The following ATXN1 variants were observed in gnomAD, a reference collection of about 807,000 sequenced individuals.
The protein encoded by ATXN1 is ataxin-1.
In ATXN1, 8 loss-of-function variants were observed where a neutral mutation model predicts 56.4. That is an observed-to-expected ratio of 0.14 (90% confidence interval 0.08 to 0.26). ATXN1 has a LOEUF of 0.26. Among genes scored for constraint, ATXN1 ranks in the 10% least tolerant of loss-of-function variants. The probability of loss-of-function intolerance (pLI) is 1.00; values close to 1 mark genes in which losing one functional copy is unlikely to be tolerated. For missense variants in ATXN1, 987 were observed against 1,106.5 expected (o/e 0.89, Z 1.53); for synonymous variants, 514 against 494.6 (o/e 1.04, Z -0.52).
chr6:16,343,117 C>T (rs1026157203), intron 6 of ATXN1, among the ~76,000 whole-genome samples: 7 of 152,106 alleles, frequency 4.6e-5, no homozygotes, highest in Admixed American at 2.6e-4. Context: ...GGCTGAGGCG[C>T]GCAGATCACA....
At chr6:16,574,007 T>C (rs1413287450) in intron 4 of ATXN1, among the ~76,000 whole-genome samples, 1 of 152,180 alleles carries the variant, frequency 6.6e-6, no homozygotes, top group African/African-American at 2.4e-5. Context: ...TGGATTGGTA[T>C]TGTGCCCTGA....
intron 6 of ATXN1, among the ~76,000 whole-genome samples, chr6:16,373,095 G>A (rs1215321236): frequency 6.6e-6 from 1 of 152,186 alleles, no homozygotes; most frequent in East Asian, 1.9e-4. Context: ...TAGGTGTCCT[G>A]TTAACTCCAT....
chr6:16,311,464 G>A lies in ATXN1; in HGVS notation c.1918-4605C>T, dbSNP rs185592226. Among the ~76,000 whole-genome samples, 281 of 152,298 alleles carry A rather than the reference G, an allele frequency of 1.8e-3. 1 individual carries two copies. Among genetic ancestry groups the A allele is most frequent in the Non-Finnish European group, 3.1e-3 (212 of 68,030 alleles). On this transcript the variant is annotated intron_variant, in intron 7 of 7. Transcript: ENST00000436367. ...TTGACTGAAATAAGTAGGATCCAAA[G>A]GCATGAGCTCATGGGCTTGTTCCAT...
intron 6 of ATXN1, among the ~76,000 whole-genome samples, chr6:16,424,459 G>C (rs561869286): frequency 2.0e-5 from 3 of 152,082 alleles, no homozygotes; most frequent in Non-Finnish European, 4.4e-5. Flanking sequence ...GCAAACCTTC[G>C]GCTATTTAAT....
rs563047937 is a variant in ATXN1 at position 16,714,144 on chromosome 6, G to A, written c.-615+39089C>T. Reference sequence around the variant, plus strand: ...CATGCCAGCCTGGGCGACAGAGTAAGACTGTAGAAAAAAAGAAAGAAAAAA... The same window carrying A: ...CATGCCAGCCTGGGCGACAGAGTAAAACTGTAGAAAAAAAGAAAGAAAAAA... On this transcript the variant is annotated intron_variant, in intron 2 of 7. Transcript: ENST00000436367. Among the ~76,000 whole-genome samples the A allele has an allele frequency of 2.1e-3, 289 of 137,902 alleles. 1 individual carries two copies. The highest frequency in any genetic ancestry group is 7.9e-3 in the African/African-American group (282 of 35,832). 90.5% of individuals were successfully genotyped at this position (137,902 alleles called of 152,430 possible).
chr6:16,644,785 C>T (rs1763773226), intron 3 of ATXN1, among the ~76,000 whole-genome samples: 1 of 152,102 alleles, frequency 6.6e-6, no homozygotes, highest in South Asian at 2.1e-4. Flanking sequence ...GTAGAGGTCA[C>T]CATGTCCATT....
chr6:16,396,013 CAAAAAA>C (rs59358244), intron 6 of ATXN1, among the ~76,000 whole-genome samples: 261 of 42,236 alleles, frequency 6.2e-3, no homozygotes, highest in African/African-American at 0.024. Context: ...GACTCCGTCT[CAAAAAA>C]AAAAAAAAAA....
chr6:16,309,218 ACT>A (rs1056072994), intron 7 of ATXN1, among the ~76,000 whole-genome samples: 1 of 148,748 alleles, frequency 6.7e-6, no homozygotes, highest in African/African-American at 2.5e-5. Flanking sequence ...ACAGAGTGAG[ACT>A]CTGTCTCTAA....
intron 7 of ATXN1, among the ~76,000 whole-genome samples, chr6:16,313,558 A>ATT (rs527792987): frequency 8.4e-5 from 12 of 143,578 alleles, no homozygotes; most frequent in African/African-American, 1.3e-4. Flanking sequence ...CGTTAATGGA[A>ATT]TTTTTTTTTT....
chr6:16,593,197 C>G (rs1395583123), intron 3 of ATXN1, among the ~76,000 whole-genome samples: 1 of 152,180 alleles, frequency 6.6e-6, no homozygotes, highest in African/African-American at 2.4e-5. Flanking sequence ...CCCAGGAAGT[C>G]CAGCTGGCTT....
chr6:16,449,739 A>G (rs1040035856), intron 6 of ATXN1, among the ~76,000 whole-genome samples: 1 of 152,234 alleles, frequency 6.6e-6, no homozygotes. Flanking sequence ...AGTTTAAAGG[A>G]AAACATATCC....
At chr6:16,671,642 C>T (rs1220365943) in intron 2 of ATXN1, among the ~76,000 whole-genome samples, 1 of 152,076 alleles carries the variant, frequency 6.6e-6, no homozygotes, top group Non-Finnish European at 1.5e-5. Context: ...ATTAACATTC[C>T]CAAGAGTCAT....
chr6:16,395,080 G>A (rs1023250848), intron 6 of ATXN1, among the ~76,000 whole-genome samples: 11 of 151,442 alleles, frequency 7.3e-5, no homozygotes, highest in African/African-American at 1.9e-4. Flanking sequence ...GAGACCAGTC[G>A]GACCAACATG....
chr6:16,569,650 G>A (rs75917858), intron 4 of ATXN1, among the ~76,000 whole-genome samples: 10,120 of 152,162 alleles, frequency 0.067, 713 homozygotes, highest in Admixed American at 0.23. Flanking sequence ...GGGCTGGGAT[G>A]GGAGTAAAGA....
At chr6:16,319,319 T>G (rs1169605588) in intron 7 of ATXN1, among the ~76,000 whole-genome samples, 2 of 152,048 alleles carry the variant, frequency 1.3e-5, no homozygotes, top group African/African-American at 4.8e-5. Flanking sequence ...GAAATGCATA[T>G]CGCTAAGTGA....
At chr6:16,687,854 A>G (rs544882565) in intron 2 of ATXN1, among the ~76,000 whole-genome samples, 1 of 152,342 alleles carries the variant, frequency 6.6e-6, no homozygotes, top group Non-Finnish European at 1.5e-5. Context: ...GTATAAAATC[A>G]TAGCAACCAG....
chr6:16,299,488 G>A lies in ATXN1; in HGVS notation c.*6841C>T, dbSNP rs915176616. ...CACAATAAAAGCTCTTAACTATTAT[G>A]TATGCACTTAAAATTTTCTTTTCAA... On this transcript the variant is annotated 3_prime_UTR_variant, in exon 8 of 8. Transcript: ENST00000436367. The A allele has an allele frequency of 4.6e-5, 7 of 152,628 alleles. No individual in the cohort carries two copies. Among genetic ancestry groups the A allele is most frequent in the African/African-American group, 1.7e-4 (7 of 41,452 alleles). The allele number at this position is 152,628 out of a possible 1,614,324, so 9.5% of individuals were successfully genotyped here. A position where few individuals can be genotyped will look rare whatever the true frequency, so the allele number is the denominator to read the frequency against.
chr6:16,466,087 C>T (rs894148150), intron 6 of ATXN1, among the ~76,000 whole-genome samples: 4 of 151,996 alleles, frequency 2.6e-5, no homozygotes, highest in Admixed American at 2.6e-4. Context: ...GAGGCCAAGG[C>T]GGGTGGACCA....
At position 16,497,118 on chromosome 6, in the gene ATXN1, G is replaced by A. The variant is rs1434039221; in HGVS notation, c.-298-11009C>T. Among the ~76,000 whole-genome samples the A allele has an allele frequency of 4.6e-5, 7 of 152,008 alleles. No individual in the cohort carries two copies. In the East Asian group the frequency reaches 5.8e-4, roughly 13 times the overall value. On this transcript the variant is annotated intron_variant, in intron 5 of 7. Coordinates refer to ENST00000436367, the MANE Select transcript of ATXN1 (RefSeq NM_001128164.2). ...ATTGCTAAAACAATGGAATTCTCCC[G>A]GGAATGACTTCGTTATGGAAATGAA... is the stretch of plus-strand genomic sequence containing the variant.
Sources: gnomAD v4.1 joint callset for allele counts (sites outside exome capture counted in the v4.1 genomes callset) on GRCh38, gnomAD v4.1.1 for gene constraint, MANE v1.5 for transcripts, NCBI Gene and HGNC (gene_info 2026-07-23, HGNC 2026-07-21) for gene names.